The following LY6S variants were observed in gnomAD, a reference collection of about 807,000 sequenced individuals.
The protein encoded by LY6S is lymphocyte antigen 6S.
chr8:143,051,976 A>T, the LY6S span, among the ~76,000 whole-genome samples: 2 of 147,832 alleles, frequency 1.4e-5, no homozygotes, highest in African/African-American at 2.5e-5. Flanking sequence ...TGTCTCAAAA[A>T]AAAAAAAGAA....
chr8:143,041,896 C>G, the LY6S span, among the ~76,000 whole-genome samples: 3 of 140,504 alleles, frequency 2.1e-5, no homozygotes, highest in Non-Finnish European at 4.7e-5. Flanking sequence ...TCAGCCCAGC[C>G]CTGACTCCAG....
At chr8:143,050,230 G>T in the LY6S span, among the ~76,000 whole-genome samples, 1 of 149,686 alleles carries the variant, frequency 6.7e-6, no homozygotes, top group Non-Finnish European at 1.5e-5. Context: ...CACCAAGCTG[G>T]AGTGCAGTGG....
the LY6S span, among the ~76,000 whole-genome samples, chr8:143,072,055 T>G: frequency 6.6e-6 from 1 of 152,196 alleles, no homozygotes; most frequent in Non-Finnish European, 1.5e-5. Flanking sequence ...GCAATTCCTC[T>G]CAGCTTTTAT....
chr8:143,050,408 T>C, the LY6S span, among the ~76,000 whole-genome samples: 1 of 152,056 alleles, frequency 6.6e-6, no homozygotes, highest in African/African-American at 2.4e-5. Context: ...CACAAACTCC[T>C]GACCTAAAGT....
chr8:143,043,253 A>C, the LY6S span: 2 of 1,364,388 alleles, frequency 1.5e-6, no homozygotes, highest in Non-Finnish European at 2.0e-6. Flanking sequence ...GGGAGTCCAC[A>C]ACGGCACTTG....
chr8:143,041,167 G>A, the LY6S span, among the ~76,000 whole-genome samples: 21 of 152,284 alleles, frequency 1.4e-4, no homozygotes, highest in South Asian at 1.2e-3. Flanking sequence ...TTTATTAGGC[G>A]GGAATTTCCT....
the LY6S span, among the ~76,000 whole-genome samples, chr8:143,050,846 A>G: frequency 6.6e-6 from 1 of 152,152 alleles, no homozygotes; most frequent in Non-Finnish European, 1.5e-5. Context: ...TCTACACCAA[A>G]CAACAGATGC....
the LY6S span, among the ~76,000 whole-genome samples, chr8:143,065,761 T>TC: frequency 1.4e-5 from 2 of 139,328 alleles, no homozygotes; most frequent in African/African-American, 5.3e-5. Flanking sequence ...TTTCTTTCTT[T>TC]CTTTCTTTTC....
the LY6S span, chr8:143,044,530 G>A: frequency 2.5e-5 from 5 of 198,370 alleles, no homozygotes; most frequent in Admixed American, 6.6e-5. Context: ...TGCCCGCCAT[G>A]CCCACCCCAC....
the LY6S span, among the ~76,000 whole-genome samples, chr8:143,046,740 T>C: frequency 0.67 from 102,190 of 151,998 alleles, 34,510 homozygotes; most frequent in East Asian, 0.74. Context: ...CATGGTGGCT[T>C]ACACCTCTAA....
At chr8:143,057,930 G>A in the LY6S span, 10 of 575,212 alleles carry the variant, frequency 1.7e-5, no homozygotes, top group South Asian at 1.6e-4. Context: ...CACGGTGCGG[G>A]TGGTCTCAGC....
chr8:143,043,164 A>G, the LY6S span: 1 of 1,367,496 alleles, frequency 7.3e-7, no homozygotes, highest in Non-Finnish European at 9.8e-7. Context: ...GCTGAGCAGG[A>G]GCTGTACGCA....
At chr8:143,074,302 CTCTG>C in the LY6S span, among the ~76,000 whole-genome samples, 1 of 151,670 alleles carries the variant, frequency 6.6e-6, no homozygotes, top group Admixed American at 6.6e-5. Context: ...GCCCTCTTCT[CTCTG>C]TCTCTGTCTC....
At chr8:143,043,244 G>A in the LY6S span, 2 of 1,366,074 alleles carry the variant, frequency 1.5e-6, no homozygotes, top group Non-Finnish European at 2.0e-6. Flanking sequence ...AAGAGATCTG[G>A]GAGTCCACAA....
At chr8:143,067,539 CACAGAG>C in the LY6S span, among the ~76,000 whole-genome samples, 1 of 152,206 alleles carries the variant, frequency 6.6e-6, no homozygotes, top group African/African-American at 2.4e-5. Flanking sequence ...AGAAATAAGA[CACAGAG>C]ACAAAGTATA....
At chr8:143,044,865 G>C in the LY6S span, 1 of 1,299,006 alleles carries the variant, frequency 7.7e-7, no homozygotes, top group Non-Finnish European at 1.0e-6. Flanking sequence ...GCCCTGGTGA[G>C]AGTCCCATGC....
At chr8:143,050,242 G>A in the LY6S span, among the ~76,000 whole-genome samples, 2 of 145,196 alleles carry the variant, frequency 1.4e-5, no homozygotes, top group African/African-American at 5.1e-5. Flanking sequence ...GTGCAGTGGT[G>A]TGATCTCGAC....
chr8:143,052,365 C>A, the LY6S span, among the ~76,000 whole-genome samples: 8 of 152,278 alleles, frequency 5.3e-5, no homozygotes, highest in African/African-American at 1.7e-4. Flanking sequence ...TGGGCAAGGG[C>A]CTGGCAACCA....
chr8:143,058,302 C>T, the LY6S span, among the ~76,000 whole-genome samples: 2 of 152,088 alleles, frequency 1.3e-5, no homozygotes, highest in Non-Finnish European at 2.9e-5. Context: ...TGTCTGGCTG[C>T]ACTGATATTT....
Sources: gnomAD v4.1 joint callset for allele counts (sites outside exome capture counted in the v4.1 genomes callset) on GRCh38, gnomAD v4.1.1 for gene constraint, MANE v1.5 for transcripts, NCBI Gene and HGNC (gene_info 2026-07-23, HGNC 2026-07-21) for gene names.